ARB2A: variants seen among roughly 807,000 people sequenced by gnomAD.
ARB2A encodes the protein ARB2 cotranscriptional regulator A, also known as cotranscriptional regulator ARB2A.
the ARB2A span, among the ~76,000 whole-genome samples, chr5:93,719,423 A>T: frequency 3.3e-5 from 5 of 152,330 alleles, no homozygotes; most frequent in East Asian, 9.6e-4. Flanking sequence ...AGCCACATAT[A>T]GGTTAGTCAT....
At chr5:93,922,431 G>A in the ARB2A span, among the ~76,000 whole-genome samples, 1 of 151,560 alleles carries the variant, frequency 6.6e-6, no homozygotes, top group South Asian at 2.1e-4. Flanking sequence ...CACTTTGGGA[G>A]GCCGAGGCAG....
chr5:93,749,376 T>G, the ARB2A span, among the ~76,000 whole-genome samples: 1 of 152,206 alleles, frequency 6.6e-6, no homozygotes, highest in Non-Finnish European at 1.5e-5. Context: ...TTAATGCATT[T>G]ACAGGTAATA....
the ARB2A span, among the ~76,000 whole-genome samples, chr5:94,094,338 A>C: frequency 2.0e-5 from 3 of 152,264 alleles, no homozygotes; most frequent in South Asian, 6.2e-4. Context: ...GAAAGTGACC[A>C]GGAGAATGGC....
the ARB2A span, among the ~76,000 whole-genome samples, chr5:93,632,660 C>T: frequency 6.6e-6 from 1 of 152,250 alleles, no homozygotes; most frequent in South Asian, 2.1e-4. Context: ...GAATTTAACC[C>T]TTCCTGACTG....
At chr5:93,619,139 A>C in the ARB2A span, 28 of 152,346 alleles carry the variant, frequency 1.8e-4, 1 homozygote, top group African/African-American at 6.7e-4. Flanking sequence ...TGAAGATACC[A>C]TTATTTTACA....
At chr5:93,744,164 C>T in the ARB2A span, among the ~76,000 whole-genome samples, 15 of 151,960 alleles carry the variant, frequency 9.9e-5, no homozygotes, top group South Asian at 1.3e-3. Context: ...TGGCCAGGCA[C>T]GGTGGCTCAC....
the ARB2A span, among the ~76,000 whole-genome samples, chr5:93,915,228 A>C: frequency 6.6e-6 from 1 of 151,850 alleles, no homozygotes; most frequent in Non-Finnish European, 1.5e-5. Flanking sequence ...GTACTGGCAA[A>C]CCAAGCAATT....
the ARB2A span, among the ~76,000 whole-genome samples, chr5:93,998,274 G>A: frequency 6.6e-6 from 1 of 151,894 alleles, no homozygotes; most frequent in Admixed American, 6.6e-5. Context: ...TGGGGTAGAA[G>A]GAGTATCAAT....
At chr5:93,877,174 C>T in the ARB2A span, among the ~76,000 whole-genome samples, 1 of 152,122 alleles carries the variant, frequency 6.6e-6, no homozygotes, top group Non-Finnish European at 1.5e-5. Flanking sequence ...AATTCTTCTC[C>T]TTTACTTCCC....
At chr5:94,076,683 A>G in the ARB2A span, among the ~76,000 whole-genome samples, 12 of 152,340 alleles carry the variant, frequency 7.9e-5, no homozygotes, top group African/African-American at 2.9e-4. Flanking sequence ...ACTTTTTATT[A>G]CACATCATCT....
At chr5:93,782,299 G>A in the ARB2A span, among the ~76,000 whole-genome samples, 2 of 151,994 alleles carry the variant, frequency 1.3e-5, no homozygotes, top group East Asian at 3.9e-4. Flanking sequence ...TATCACCTTT[G>A]GTTCTCACAA....
chr5:93,990,737 A>T, the ARB2A span, among the ~76,000 whole-genome samples: 1 of 152,068 alleles, frequency 6.6e-6, no homozygotes, highest in Non-Finnish European at 1.5e-5. Flanking sequence ...CATTATAAAC[A>T]ACTAGACAAC....
chr5:94,084,577 A>G, the ARB2A span, among the ~76,000 whole-genome samples: 1 of 152,200 alleles, frequency 6.6e-6, no homozygotes, highest in African/African-American at 2.4e-5. Context: ...GAGAATCGCC[A>G]AGAACTGATA....
the ARB2A span, among the ~76,000 whole-genome samples, chr5:93,690,029 C>G: frequency 6.6e-6 from 1 of 152,146 alleles, no homozygotes; most frequent in Non-Finnish European, 1.5e-5. Context: ...GGCCCAGATA[C>G]TACACTTTTC....
the ARB2A span, among the ~76,000 whole-genome samples, chr5:93,767,162 A>G: frequency 6.6e-6 from 1 of 152,206 alleles, no homozygotes. Context: ...CACGTTGTGC[A>G]CATGTACCTT....
chr5:94,080,169 A>G, the ARB2A span, among the ~76,000 whole-genome samples: 2 of 152,162 alleles, frequency 1.3e-5, no homozygotes, highest in Non-Finnish European at 2.9e-5. Context: ...CACACTCAAA[A>G]TTTTAGAAAA....
the ARB2A span, among the ~76,000 whole-genome samples, chr5:93,978,845 G>A: frequency 6.6e-6 from 1 of 152,036 alleles, no homozygotes; most frequent in Non-Finnish European, 1.5e-5. Context: ...AGATACCAGT[G>A]GCTGGAACGG....
the ARB2A span, among the ~76,000 whole-genome samples, chr5:93,790,998 C>A: frequency 6.6e-6 from 1 of 152,146 alleles, no homozygotes; most frequent in Non-Finnish European, 1.5e-5. Context: ...ATTACCTTGA[C>A]ATTCATCTCT....
chr5:93,625,868 A>G, the ARB2A span, among the ~76,000 whole-genome samples: 20 of 152,262 alleles, frequency 1.3e-4, no homozygotes, highest in Non-Finnish European at 1.2e-4. Flanking sequence ...AGCAAAGAAT[A>G]GGATAAGAGA....
Sources: allele counts gnomAD v4.1 joint callset (sites outside exome capture counted in the v4.1 genomes callset), GRCh38; gene constraint gnomAD v4.1.1; transcripts MANE v1.5; gene names NCBI Gene and HGNC (gene_info 2026-07-23, HGNC 2026-07-21).